NEK10: variants seen among roughly 807,000 people sequenced by gnomAD.
The protein encoded by NEK10 is serine/threonine-protein kinase Nek10.
A neutral mutation model predicts 159.8 loss-of-function variants in NEK10; 122 were observed. The ratio of observed to expected loss-of-function variants is 0.76; its 90% CI spans 0.66 to 0.89. The LOEUF is 0.89. NEK10 is among the 40% of genes least tolerant of loss of function. NEK10 has a pLI of 0.00. For missense variants in NEK10, 1,342 were observed against 1,323.1 expected (o/e 1.01, Z -0.22); for synonymous variants, 466 against 457.1 (o/e 1.02, Z -0.25).
At chr3:27,217,761 A>C (rs2149132634) in intron 23 of NEK10, among the ~76,000 whole-genome samples, 1 of 152,246 alleles carries the variant, frequency 6.6e-6, no homozygotes, top group Non-Finnish European at 1.5e-5. Flanking sequence ...ATACTAGTAA[A>C]CTGAACCCAG....
chr3:27,326,681 T>TTTTTG (rs748994136), intron 5 of NEK10, among the ~76,000 whole-genome samples: 34 of 152,266 alleles, frequency 2.2e-4, no homozygotes, highest in Non-Finnish European at 3.8e-4. Flanking sequence ...CCAAATGGAA[T>TTTTTG]TTTTGTTTTG....
intron 14 of NEK10, 88 bp from the exon 15 acceptor site, chr3:27,295,778 A>G: frequency 7.1e-7 from 1 of 1,405,272 alleles, no homozygotes. Flanking sequence ...TCAAACATTA[A>G]TATCAAAGAA....
Position 27,202,554 on chromosome 3 carries a change from G to A in NEK10, c.2094C>T (p.Pro698=), listed in dbSNP as rs9823271. The A allele has an allele frequency of 0.06, 95,864 of 1,598,640 alleles. 3,192 individuals are homozygous for A. Among genetic ancestry groups the A allele is most frequent in the African/African-American group, 0.11 (8,361 of 74,594 alleles). ...SVVGTILYSC[P]EVLKSEPYGE... is the part of the protein sequence containing the mutation. ...CATACGGCTCACTCTTCAGTACCTC[G>A]GGGCTGAAGTAAAATAAGGACATTA... The change falls in exon 24 of 36, where the codon CCC becomes CCT. Residue 698 remains proline (P), a synonymous_variant. Transcript: ENST00000691995.
intron 23 of NEK10, among the ~76,000 whole-genome samples, chr3:27,217,858 A>G (rs1199059909): frequency 6.6e-6 from 1 of 152,218 alleles, no homozygotes; most frequent in Non-Finnish European, 1.5e-5. Flanking sequence ...AACCAAAGAT[A>G]GTACCAAACC....
chr3:27,187,357 C>G (rs1317119069), intron 26 of NEK10, among the ~76,000 whole-genome samples: 1 of 152,142 alleles, frequency 6.6e-6, no homozygotes, highest in Non-Finnish European at 1.5e-5. Flanking sequence ...CATAATTGAT[C>G]CTGACTACTA....
intron 23 of NEK10, among the ~76,000 whole-genome samples, chr3:27,250,038 T>G (rs796189974): frequency 6.6e-5 from 10 of 152,268 alleles, no homozygotes; most frequent in African/African-American, 2.4e-4. Flanking sequence ...ACTTTTTAAC[T>G]TATTGTTTCT....
chr3:27,342,649 G>A (rs2047278263), intron 5 of NEK10, among the ~76,000 whole-genome samples: 1 of 152,076 alleles, frequency 6.6e-6, no homozygotes, highest in South Asian at 2.1e-4. Flanking sequence ...CCTGAAAAGA[G>A]ATCTCTCGAC....
Position 27,256,341 on chromosome 3 carries a change from T to G in NEK10, c.2045A>C (p.Glu682Ala). 18 of 1,575,262 alleles carry G rather than the reference T, an allele frequency of 1.1e-5. No homozygotes were observed. The highest frequency in any genetic ancestry group is 1.5e-5 in the Non-Finnish European group (18 of 1,164,144). Residue 682 changes from glutamate (E) to alanine (A), a missense_variant, in exon 23 of 36, where the codon GAA (glutamate) becomes GCA (alanine). Glu to Ala is a moderately radical substitution (Grantham distance 107). Coordinates refer to ENST00000691995, the MANE Select transcript of NEK10 (RefSeq NM_001394966.1). ...TDFGLAKQKQENSKLTSVVGT... is the reference protein window; with the variant it reads ...TDFGLAKQKQANSKLTSVVGT... ...AACCACAGAGGTGAGTTTACTGTTT[T>G]CTTGTTTTTGCTTTGCCAGGCCAAA...
intron 22 of NEK10, among the ~76,000 whole-genome samples, chr3:27,270,844 T>C (rs983006838): frequency 2.6e-5 from 4 of 152,038 alleles, no homozygotes; most frequent in African/African-American, 4.8e-5. Flanking sequence ...ATACATGATC[T>C]GGGCGTTCAG....
intron 23 of NEK10, chr3:27,214,861 G>T: frequency 8.1e-7 from 1 of 1,231,902 alleles, no homozygotes; most frequent in Non-Finnish European, 1.2e-6. Flanking sequence ...GACAGTTGGA[G>T]TAAGCCATTC....
intron 16 of NEK10, among the ~76,000 whole-genome samples, chr3:27,292,784 A>C (rs910518780): frequency 2.0e-5 from 3 of 151,842 alleles, no homozygotes; most frequent in Admixed American, 1.3e-4. Flanking sequence ...AAAAAAAAAA[A>C]AGAGAACTAA....
At chr3:27,331,413 G>A (rs2046414293) in intron 5 of NEK10, among the ~76,000 whole-genome samples, 1 of 152,044 alleles carries the variant, frequency 6.6e-6, no homozygotes, top group Admixed American at 6.6e-5. Flanking sequence ...AGGCAATAAG[G>A]AACCTTCAAA....
chr3:27,232,749 T>C (rs1215680926), intron 23 of NEK10, among the ~76,000 whole-genome samples: 2 of 151,734 alleles, frequency 1.3e-5, no homozygotes, highest in Non-Finnish European at 2.9e-5. Flanking sequence ...AACCAAGAAA[T>C]AAAGCCAAAG....
At chr3:27,158,289 C>T (rs1945696408) in intron 30 of NEK10, among the ~76,000 whole-genome samples, 1 of 151,912 alleles carries the variant, frequency 6.6e-6, no homozygotes, top group Non-Finnish European at 1.5e-5. Flanking sequence ...AACCTGTGAG[C>T]AAATTTTTAT....
At chr3:27,146,096 T>G (rs1473473248) in intron 30 of NEK10, among the ~76,000 whole-genome samples, 1 of 152,210 alleles carries the variant, frequency 6.6e-6, no homozygotes, top group Non-Finnish European at 1.5e-5. Context: ...ATTAATTATT[T>G]TTGGAAAGCA....
At chr3:27,250,454 G>A (rs1351019710) in intron 23 of NEK10, among the ~76,000 whole-genome samples, 1 of 152,092 alleles carries the variant, frequency 6.6e-6, no homozygotes, top group Non-Finnish European at 1.5e-5. Flanking sequence ...CCAAAGTGCT[G>A]GGATTACAGG....
At chr3:27,295,496 A>G (rs1380684853) in intron 15 of NEK10, 117 bp downstream of exon 15, 13 of 1,204,130 alleles carry the variant, frequency 1.1e-5, no homozygotes, top group Non-Finnish European at 1.4e-5. Flanking sequence ...TTTTTCCCTC[A>G]TAGTCAGTAC....
At chr3:27,214,994 A>G (rs189673058) in intron 23 of NEK10, 2 of 674,474 alleles carry the variant, frequency 3.0e-6, no homozygotes, top group Middle Eastern at 2.9e-4. Flanking sequence ...CACCGGTCCC[A>G]CTTCCGGCCA....
At chr3:27,208,674 G>A (rs1950742375) in intron 23 of NEK10, among the ~76,000 whole-genome samples, 2 of 152,272 alleles carry the variant, frequency 1.3e-5, no homozygotes, top group Admixed American at 1.3e-4. Context: ...ATGGGTATAA[G>A]AGTCATTAAC....
Sources: allele counts gnomAD v4.1 joint callset (sites outside exome capture counted in the v4.1 genomes callset), GRCh38; gene constraint gnomAD v4.1.1; transcripts MANE v1.5; gene names NCBI Gene and HGNC (gene_info 2026-07-23, HGNC 2026-07-21).